ROR2: variants seen among roughly 807,000 people sequenced by gnomAD.
The protein encoded by ROR2 is tyrosine-protein kinase transmembrane receptor ROR2.
Under a neutral mutation model 74.9 loss-of-function variants are expected in ROR2, and 33 were observed. The observed-to-expected ratio is 0.44, with a 90% CI of 0.33 to 0.59. ROR2 has a LOEUF of 0.59. Ranked by LOEUF, ROR2 falls within the 20% of genes least tolerant of loss-of-function variation. The pLI, the probability that ROR2 is intolerant of heterozygous loss-of-function variation, is 0.02. For missense variants in ROR2, 1,216 were observed against 1,313.8 expected (o/e 0.93, Z 1.15); for synonymous variants, 586 against 558.7 (o/e 1.05, Z -0.69).
chr9:91,818,471 TAGCC>T (rs1828019852), intron 1 of ROR2, among the ~76,000 whole-genome samples: 1 of 69,822 alleles, frequency 1.4e-5, no homozygotes, highest in African/African-American at 5.7e-5. Context: ...ACCCCACCAG[TAGCC>T]AGCCCTCTCC....
intron 1 of ROR2, among the ~76,000 whole-genome samples, chr9:91,891,814 A>G (rs903822909): frequency 5.3e-5 from 8 of 151,998 alleles, no homozygotes; most frequent in Middle Eastern, 3.2e-3. Context: ...TTAGGAGGCC[A>G]AGACGGGAGA....
At chr9:91,948,892 C>T in intron 1 of ROR2, 1 of 985,420 alleles carries the variant, frequency 1.0e-6, no homozygotes, top group Non-Finnish European at 1.2e-6. Context: ...GGCGCGCGGG[C>T]GGGAGGTGCT....
intron 1 of ROR2, chr9:91,948,568 C>A (rs55730193): frequency 0.058 from 56,675 of 985,296 alleles, 3,802 homozygotes; most frequent in African/African-American, 0.32. Context: ...CTAAAACCCC[C>A]CCCCAGGAAA....
At chr9:91,870,424 G>A (rs1175907193) in intron 1 of ROR2, among the ~76,000 whole-genome samples, 1 of 152,174 alleles carries the variant, frequency 6.6e-6, no homozygotes, top group Non-Finnish European at 1.5e-5. Context: ...ACCGGGTCTT[G>A]ATGGCAACTT....
chr9:91,812,840 T>A (rs982618612), intron 1 of ROR2, among the ~76,000 whole-genome samples: 2 of 152,200 alleles, frequency 1.3e-5, no homozygotes, highest in African/African-American at 4.8e-5. Flanking sequence ...CCAAAGACTG[T>A]GTTGACTTAC....
chr9:91,781,491 G>T (rs1826618656), intron 1 of ROR2, among the ~76,000 whole-genome samples: 1 of 152,228 alleles, frequency 6.6e-6, no homozygotes, highest in Non-Finnish European at 1.5e-5. Context: ...AGTCCCGAAA[G>T]GGTAAGGCCA....
intron 1 of ROR2, among the ~76,000 whole-genome samples, chr9:91,805,254 T>C (rs930020206): frequency 4.6e-5 from 7 of 152,330 alleles, no homozygotes; most frequent in African/African-American, 1.7e-4. Flanking sequence ...CATGCAGTTC[T>C]GTCCATCCAC....
intron 1 of ROR2, among the ~76,000 whole-genome samples, chr9:91,909,607 C>T (rs1313721715): frequency 2.0e-5 from 3 of 151,532 alleles, no homozygotes; most frequent in Admixed American, 1.3e-4. Flanking sequence ...CCACCTCAGC[C>T]TCCCACAGTG....
intron 1 of ROR2, among the ~76,000 whole-genome samples, chr9:91,821,294 G>A (rs1587752304): frequency 6.6e-6 from 1 of 152,312 alleles, no homozygotes; most frequent in East Asian, 1.9e-4. Flanking sequence ...AAGCCACCCA[G>A]TCTGTGGCAT....
intron 1 of ROR2, among the ~76,000 whole-genome samples, chr9:91,819,132 T>C (rs996653215): frequency 6.6e-6 from 1 of 152,104 alleles, no homozygotes; most frequent in Non-Finnish European, 1.5e-5. Context: ...GGCCCAAAGA[T>C]GAGCCCTGGT....
At chr9:91,821,470 G>A (rs1447383797) in intron 1 of ROR2, among the ~76,000 whole-genome samples, 1 of 152,050 alleles carries the variant, frequency 6.6e-6, no homozygotes. Flanking sequence ...TTGGCTGCCT[G>A]GTCTTCCCAG....
rs1404080740 is a variant in ROR2, at chr9:91,733,506, C to A, written c.623-70G>T. 4.0e-6 allele frequency: 6 copies of A among 1,492,562 alleles called. No individual in the cohort carries two copies. Among genetic ancestry groups the A allele is most frequent in the Non-Finnish European group, 5.4e-6 (6 of 1,109,728 alleles). The allele number at this position is 1,492,562 out of a possible 1,614,324, so 92.5% of individuals were successfully genotyped here. A position where few individuals can be genotyped will look rare whatever the true frequency, so the allele number is the denominator to read the frequency against. ...GCCCTTGACATTCATCCAGTCCCCA[C>A]CCCCAGCCTGGCATCCCAGACTGCC... On this transcript the variant is annotated intron_variant, in intron 5 of 8. Coordinates refer to ENST00000375708, the MANE Select transcript of ROR2 (RefSeq NM_004560.4). This position sits in a 1 kb window ranked among gnomAD's most constrained non-coding sequence, Gnocchi z 5.7.
At chr9:91,899,728 T>A (rs1830624037) in intron 1 of ROR2, among the ~76,000 whole-genome samples, 1 of 151,998 alleles carries the variant, frequency 6.6e-6, no homozygotes, top group African/African-American at 2.4e-5. Flanking sequence ...ACCAGGAATC[T>A]ACACACAAGC....
At chr9:91,870,915 T>C (rs1188275812) in intron 1 of ROR2, among the ~76,000 whole-genome samples, 1 of 152,250 alleles carries the variant, frequency 6.6e-6, no homozygotes. Flanking sequence ...GTTTCTGGAA[T>C]GCTATCAACA....
intron 1 of ROR2, among the ~76,000 whole-genome samples, chr9:91,833,735 G>C (rs567567946): frequency 6.6e-6 from 1 of 151,976 alleles, no homozygotes; most frequent in Non-Finnish European, 1.5e-5. Flanking sequence ...GCCTCAACAC[G>C]CAGAAGGAGC....
chr9:91,892,837 G>A (rs1471713023), intron 1 of ROR2, among the ~76,000 whole-genome samples: 1 of 151,960 alleles, frequency 6.6e-6, no homozygotes, highest in South Asian at 2.1e-4. Context: ...TGATCCACCC[G>A]CCTCAGCCTC....
intron 1 of ROR2, among the ~76,000 whole-genome samples, chr9:91,853,654 G>A (rs181285092): frequency 6.6e-6 from 1 of 152,234 alleles, no homozygotes; most frequent in Admixed American, 6.5e-5. Flanking sequence ...CCTCACTCTG[G>A]GTACTGGCTG....
In ROR2 at chr9:91,733,214, T is replaced by C; in HGVS notation, c.845A>G (p.Gln282Arg). The C allele has an allele frequency of 6.2e-7, 1 of 1,612,036 alleles. No individual in the cohort carries two copies. Among genetic ancestry groups the C allele is most frequent in the Non-Finnish European group, 8.5e-7 (1 of 1,179,490 alleles). ...GGGCAGCGCCTCACACTTGGGCAGCTGAAGCCGCATGAGGATGAGCGGGTT... is the reference window on the plus strand; with the variant it reads ...GGGCAGCGCCTCACACTTGGGCAGCCGAAGCCGCATGAGGATGAGCGGGTT... ...RSNPLILMRL[Q>R]LPKCEALPMP... is the part of the protein sequence containing the mutation. Residue 282 changes from glutamine (Q) to arginine (R), a missense_variant, in exon 6 of 9, where the codon CAG (glutamine) becomes CGG (arginine). Transcript: ENST00000375708. The surrounding 1 kb of genome is among the most constrained non-coding windows in gnomAD (Gnocchi z 5.7).
At chr9:91,772,370 G>T (rs1279438483) in intron 2 of ROR2, among the ~76,000 whole-genome samples, 3 of 152,214 alleles carry the variant, frequency 2.0e-5, no homozygotes, top group African/African-American at 4.8e-5. Flanking sequence ...AACTGAGCAA[G>T]CCCTTTCATC....
Sources: gnomAD v4.1 joint callset for allele counts (sites outside exome capture counted in the v4.1 genomes callset) on GRCh38, gnomAD v4.1.1 for gene constraint, Gnocchi (gnomAD v3.1) non-coding constraint, MANE v1.5 for transcripts, NCBI Gene and HGNC (gene_info 2026-07-23, HGNC 2026-07-21) for gene names.